The following CNTN5 variants were observed in gnomAD, a reference collection of about 807,000 sequenced individuals.
CNTN5 encodes the protein contactin-5.
In CNTN5, 77 loss-of-function variants were observed where a neutral mutation model predicts 129.1. That is an observed-to-expected ratio of 0.60 (90% CI 0.50 to 0.72). The LOEUF (loss-of-function observed/expected upper bound fraction) is 0.72, where lower values mean the gene tolerates loss of function less well. CNTN5 is among the 30% of genes least tolerant of loss of function. The pLI is 0.00. For missense variants in CNTN5, 1,478 were observed against 1,328.8 expected (o/e 1.11, Z -1.75); for synonymous variants, 509 against 465.6 (o/e 1.09, Z -1.20).
chr11:99,133,611 T>A (rs11218517), intron 1 of CNTN5, among the ~76,000 whole-genome samples: 82 of 117,776 alleles, frequency 7.0e-4, no homozygotes, highest in African/African-American at 2.6e-3. Flanking sequence ...GAACAGACAC[T>A]TCTCAAGAAA....
chr11:99,811,760 C>G (rs1946435359), intron 3 of CNTN5, among the ~76,000 whole-genome samples: 1 of 151,924 alleles, frequency 6.6e-6, no homozygotes, highest in African/African-American at 2.4e-5. Flanking sequence ...TGTGAGAGCA[C>G]CAGGTTAATT....
intron 23 of CNTN5, among the ~76,000 whole-genome samples, chr11:100,345,275 G>A (rs926509705): frequency 2.0e-5 from 3 of 152,096 alleles, no homozygotes; most frequent in South Asian, 2.1e-4. Context: ...GAGGAACACC[G>A]TGTCCTCACT....
chr11:99,375,884 ATTAC>A (rs1243733619), intron 2 of CNTN5, among the ~76,000 whole-genome samples: 47 of 152,170 alleles, frequency 3.1e-4, no homozygotes, highest in South Asian at 2.1e-4. Flanking sequence ...AAAAAGCTGA[ATTAC>A]TTAATAAAAA....
At chr11:100,055,532 TAAAGAA>T (rs1225407416) in intron 9 of CNTN5, among the ~76,000 whole-genome samples, 1 of 151,428 alleles carries the variant, frequency 6.6e-6, no homozygotes, top group East Asian at 1.9e-4. Flanking sequence ...TTTTCACTCC[TAAAGAA>T]AAATTTACAG....
chr11:99,059,240 G>C (rs562344708), intron 1 of CNTN5, among the ~76,000 whole-genome samples: 2 of 151,792 alleles, frequency 1.3e-5, no homozygotes, highest in Non-Finnish European at 2.9e-5. Context: ...TAAATGGATG[G>C]GTAGGCCTTG....
intron 1 of CNTN5, among the ~76,000 whole-genome samples, chr11:99,136,436 A>G (rs1859222350): frequency 6.6e-6 from 1 of 152,086 alleles, no homozygotes; most frequent in South Asian, 2.1e-4. Flanking sequence ...TGGTATTTCT[A>G]TTAATAGCAC....
At chr11:99,198,854 T>C (rs773789780) in intron 1 of CNTN5, among the ~76,000 whole-genome samples, 6 of 152,162 alleles carry the variant, frequency 3.9e-5, no homozygotes, top group Non-Finnish European at 2.9e-5. Context: ...CCCAACATGA[T>C]AGAAACTTTA....
At chr11:99,923,777 A>ATCTG (rs1183469560) in intron 7 of CNTN5, among the ~76,000 whole-genome samples, 113 of 151,644 alleles carry the variant, frequency 7.5e-4, no homozygotes, top group Admixed American at 3.0e-3. Context: ...CTATCTATCT[A>ATCTG]TCTATCTATC....
At chr11:99,955,583 A>G (rs1950780414) in intron 7 of CNTN5, among the ~76,000 whole-genome samples, 1 of 151,774 alleles carries the variant, frequency 6.6e-6, no homozygotes, top group South Asian at 2.1e-4. Flanking sequence ...TTTTTGAGAC[A>G]GAGTCTTGCT....
intron 2 of CNTN5, among the ~76,000 whole-genome samples, chr11:99,397,728 A>G (rs939259551): frequency 1.3e-5 from 2 of 151,504 alleles, no homozygotes; most frequent in East Asian, 3.9e-4. Context: ...TTTTTCTGGT[A>G]TTACAAGATG....
rs1944756100 is a variant in CNTN5 at position 100,090,836 on chromosome 11, G to T, written c.1580+16542G>T. On this transcript the variant is annotated intron_variant, in intron 13 of 24. Transcript: ENST00000524871. ...AAAATCTTTTGAACTGCTTAAAGTT[G>T]TTTTCTCTCTCTATCTACACACATA... Among the ~76,000 whole-genome samples, 4 of 151,970 alleles carry T rather than the reference G, an allele frequency of 2.6e-5. 1 individual carries two copies.
At chr11:99,100,403 G>A (rs1866669612) in intron 1 of CNTN5, among the ~76,000 whole-genome samples, 1 of 151,988 alleles carries the variant, frequency 6.6e-6, no homozygotes, top group East Asian at 1.9e-4. Flanking sequence ...ATAAATGTTA[G>A]CTTATTTTGA....
chr11:100,196,172 GC>G, intron 15 of CNTN5, among the ~76,000 whole-genome samples: 1 of 152,046 alleles, frequency 6.6e-6, no homozygotes. Context: ...AATAGAGTGT[GC>G]CTATGATTGG....
At chr11:99,996,428 C>T (rs1939448726) in intron 8 of CNTN5, among the ~76,000 whole-genome samples, 1 of 152,180 alleles carries the variant, frequency 6.6e-6, no homozygotes, top group Non-Finnish European at 1.5e-5. Flanking sequence ...CAGATTCCAT[C>T]TGTTTTTTCA....
At chr11:99,733,972 G>A (rs531671803) in intron 3 of CNTN5, among the ~76,000 whole-genome samples, 1 of 152,290 alleles carries the variant, frequency 6.6e-6, no homozygotes, top group African/African-American at 2.4e-5. Context: ...GCAGCTGAAG[G>A]AAGGAGGCCC....
At chr11:100,287,923 C>A (rs1950835987) in intron 18 of CNTN5, among the ~76,000 whole-genome samples, 1 of 152,036 alleles carries the variant, frequency 6.6e-6, no homozygotes, top group Admixed American at 6.5e-5. Context: ...ATCTACCAAG[C>A]AAATGGAAAA....
At chr11:100,132,072 G>T (rs1468038836) in intron 13 of CNTN5, among the ~76,000 whole-genome samples, 1 of 152,030 alleles carries the variant, frequency 6.6e-6, no homozygotes, top group Non-Finnish European at 1.5e-5. Context: ...ACGTTTGAGG[G>T]CTTTGAGCAA....
At chr11:99,491,071 C>A (rs2135349054) in intron 2 of CNTN5, among the ~76,000 whole-genome samples, 1 of 152,268 alleles carries the variant, frequency 6.6e-6, no homozygotes, top group South Asian at 2.1e-4. Flanking sequence ...CCCTCCACAG[C>A]TGGCTTCCAT....
chr11:99,916,242 G>C, intron 7 of CNTN5, 93 bp downstream of exon 7: 3 of 908,088 alleles, frequency 3.3e-6, no homozygotes, highest in Non-Finnish European at 5.1e-6. Context: ...GAACATTTCA[G>C]GTGAAATGTG....
Sources: allele counts gnomAD v4.1 joint callset (sites outside exome capture counted in the v4.1 genomes callset), GRCh38; gene constraint gnomAD v4.1.1; transcripts MANE v1.5; gene names NCBI Gene and HGNC (gene_info 2026-07-23, HGNC 2026-07-21).